The following ASXL3 variants were observed in gnomAD, a reference collection of about 807,000 sequenced individuals.
The protein encoded by ASXL3 is ASXL transcriptional regulator 3.
ASXL3 carries 34 observed loss-of-function variants against 170.6 expected under a neutral mutation model. The observed-to-expected ratio is 0.20, with a 90% CI of 0.15 to 0.27. The LOEUF (loss-of-function observed/expected upper bound fraction) is 0.27, where lower values mean the gene tolerates loss of function less well. Among genes scored for constraint, ASXL3 ranks in the 10% least tolerant of loss-of-function variants. The pLI, the probability that ASXL3 is intolerant of heterozygous loss-of-function variation, is 1.00. For synonymous variants in ASXL3, 1,002 were observed against 989.1 expected (o/e 1.01, Z -0.24); for missense variants, 2,592 against 2,695.3 (o/e 0.96, Z 0.85).
chr18:33,590,111 G>GT (rs567969303), intron 1 of ASXL3, among the ~76,000 whole-genome samples: 3,648 of 83,104 alleles, frequency 0.044, 98 homozygotes, highest in Middle Eastern at 0.096. Context: ...TGCTTTCTAT[G>GT]TTTTTTTTTT....
At chr18:33,676,094 G>C (rs879694685) in intron 7 of ASXL3, among the ~76,000 whole-genome samples, 1 of 151,412 alleles carries the variant, frequency 6.6e-6, no homozygotes, top group Admixed American at 6.6e-5. Flanking sequence ...TATGGTGGCA[G>C]GCACCTGTAG....
intron 7 of ASXL3, among the ~76,000 whole-genome samples, chr18:33,679,786 G>A (rs1599485237): frequency 6.6e-6 from 1 of 152,036 alleles, no homozygotes; most frequent in Non-Finnish European, 1.5e-5. Flanking sequence ...ACATTGCAAA[G>A]AGTCATAATA....
At chr18:33,718,837 G>A (rs921728643) in intron 8 of ASXL3, among the ~76,000 whole-genome samples, 2 of 151,840 alleles carry the variant, frequency 1.3e-5, no homozygotes, top group Non-Finnish European at 2.9e-5. Flanking sequence ...CTATAAGCAA[G>A]TCATAGGTCC....
At chr18:33,617,265 G>A (rs1396468351) in intron 2 of ASXL3, among the ~76,000 whole-genome samples, 2 of 152,060 alleles carry the variant, frequency 1.3e-5, no homozygotes, top group Non-Finnish European at 2.9e-5. Flanking sequence ...GCTGGGGTGG[G>A]CGTATTGCTT....
intron 7 of ASXL3, among the ~76,000 whole-genome samples, chr18:33,673,394 G>A (rs1231932413): frequency 1.4e-5 from 2 of 140,460 alleles, no homozygotes; most frequent in African/African-American, 5.4e-5. Context: ...TTTTTTTTGA[G>A]ACAGGGTTTC....
At chr18:33,620,778 T>C (rs1375159042) in intron 2 of ASXL3, among the ~76,000 whole-genome samples, 2 of 152,126 alleles carry the variant, frequency 1.3e-5, no homozygotes, top group Non-Finnish European at 2.9e-5. Context: ...GAGCAGATAA[T>C]TATTTAAACT....
chr18:33,600,238 G>A (rs2065170085), intron 1 of ASXL3, among the ~76,000 whole-genome samples: 1 of 152,086 alleles, frequency 6.6e-6, no homozygotes, highest in African/African-American at 2.4e-5. Flanking sequence ...ATGTGGCAAC[G>A]TATTTTGTGT....
At chr18:33,694,589 A>G (rs2066741578) in intron 8 of ASXL3, among the ~76,000 whole-genome samples, 1 of 151,956 alleles carries the variant, frequency 6.6e-6, no homozygotes, top group Non-Finnish European at 1.5e-5. Context: ...AACTGCTTCT[A>G]AATAAGTTGT....
chr18:33,629,022 A>G (rs898352039), intron 2 of ASXL3, among the ~76,000 whole-genome samples: 5 of 152,136 alleles, frequency 3.3e-5, no homozygotes, highest in Non-Finnish European at 5.9e-5. Flanking sequence ...TTGACACTAG[A>G]AAGGTTAAAG....
At chr18:33,646,387 G>A in intron 4 of ASXL3, 34 bp downstream of exon 4, 1 of 1,477,236 alleles carries the variant, frequency 6.8e-7, no homozygotes, top group Non-Finnish European at 9.4e-7. Flanking sequence ...ATAATCCCTT[G>A]TTCTCTTAAA....
chr18:33,725,705 CA>C (rs2067338919), intron 8 of ASXL3, among the ~76,000 whole-genome samples: 1 of 152,090 alleles, frequency 6.6e-6, no homozygotes, highest in Non-Finnish European at 1.5e-5. Context: ...TCAACATATC[CA>C]AAGCCTTCAT....
At chr18:33,718,403 A>C (rs377047381) in intron 8 of ASXL3, among the ~76,000 whole-genome samples, 22 of 152,288 alleles carry the variant, frequency 1.4e-4, no homozygotes, top group Admixed American at 4.6e-4. Context: ...TGTGCTGTGT[A>C]ACAAATTACC....
intron 2 of ASXL3, among the ~76,000 whole-genome samples, chr18:33,640,769 G>A (rs2065834338): frequency 6.6e-6 from 1 of 151,900 alleles, no homozygotes; most frequent in Non-Finnish European, 1.5e-5. Context: ...GAAAGAATGA[G>A]CATATAATTG....
At chr18:33,678,724 A>G (rs766121452) in intron 7 of ASXL3, among the ~76,000 whole-genome samples, 3 of 152,170 alleles carry the variant, frequency 2.0e-5, no homozygotes, top group Non-Finnish European at 4.4e-5. Flanking sequence ...TCTGGGTACT[A>G]TAGGGAGATA....
chr18:33,690,708 T>A (rs565193217), intron 8 of ASXL3, among the ~76,000 whole-genome samples: 17 of 152,294 alleles, frequency 1.1e-4, no homozygotes, highest in African/African-American at 3.1e-4. Flanking sequence ...CTCCTCTTAC[T>A]CTTAATATAT....
In ASXL3 at chr18:33,743,412, A is replaced by G; in HGVS notation, c.3564A>G (p.Pro1188=). 1 of 1,613,360 alleles carries G rather than the reference A, an allele frequency of 6.2e-7. No homozygotes were observed. The change falls in exon 12 of 12, where the codon CCA becomes CCG. Residue 1188 remains proline (P), a synonymous_variant. Coordinates refer to ENST00000269197, the MANE Select transcript of ASXL3 (RefSeq NM_030632.3). ...CTGTACTACAGCAGTCTCTTAACCC[A>G]AGTAAACTTCCAGAAACTGCCACTG... ...TTTVLQQSLN[P]SKLPETATDL...
chr18:33,677,371 A>G (rs911196625), intron 7 of ASXL3, among the ~76,000 whole-genome samples: 2 of 152,194 alleles, frequency 1.3e-5, no homozygotes, highest in East Asian at 3.9e-4. Flanking sequence ...GAGATATTAG[A>G]AAACCTGTAT....
Position 33,745,116 on chromosome 18 carries a change from C to A in ASXL3, c.5268C>A (p.Gly1756=). 1 of 1,614,026 alleles carries A rather than the reference C, an allele frequency of 6.2e-7. No individual in the cohort carries two copies. The highest frequency in any genetic ancestry group is 8.5e-7 in the Non-Finnish European group (1 of 1,179,904). The change falls in exon 12 of 12, where the codon GGC becomes GGA. Residue 1756 remains glycine, a synonymous_variant. Transcript: ENST00000269197. ...NNPLVTQLLQ[G]NLPLEKVLPQ... ...CGCTGGTGACGCAGTTACTACAGGG[C>A]AACCTGCCTTTGGAAAAAGTGTTGC...
intron 2 of ASXL3, among the ~76,000 whole-genome samples, chr18:33,631,959 G>A (rs2145173497): frequency 6.6e-6 from 1 of 152,150 alleles, no homozygotes; most frequent in Non-Finnish European, 1.5e-5. Context: ...ATTTAAAATG[G>A]AAAGAATTAG....
Sources: gnomAD v4.1 joint callset for allele counts (sites outside exome capture counted in the v4.1 genomes callset) on GRCh38, gnomAD v4.1.1 for gene constraint, MANE v1.5 for transcripts, NCBI Gene and HGNC (gene_info 2026-07-23, HGNC 2026-07-21) for gene names.